HFM1: variants seen among roughly 807,000 people sequenced by gnomAD.
HFM1 encodes the protein probable ATP-dependent DNA helicase HFM1.
HFM1 carries 169 observed loss-of-function variants against 192.1 expected under a neutral mutation model. The ratio of observed to expected loss-of-function variants is 0.88; its 90% CI spans 0.78 to 1.00. The LOEUF is 1.00. Ranked by LOEUF, HFM1 falls within the 50% of genes least tolerant of loss-of-function variation. The pLI, the probability that HFM1 is intolerant of heterozygous loss-of-function variation, is 0.00. For synonymous variants in HFM1, 525 were observed against 537.8 expected (o/e 0.98, Z 0.33); for missense variants, 1,661 against 1,668.0 (o/e 1.00, Z 0.07).
At chr1:91,276,484 T>A (rs1434153887) in intron 32 of HFM1, 144 bp downstream of exon 32, 3 of 425,112 alleles carry the variant, frequency 7.1e-6, no homozygotes, top group Non-Finnish European at 1.3e-5. Context: ...GAAGGGAAGA[T>A]GGATTATGAA....
Position 91,316,140 on chromosome 1 carries a change from A to T in HFM1, c.2943T>A (p.Thr981=). 1 of 1,594,046 alleles carries T rather than the reference A, an allele frequency of 6.3e-7. No individual in the cohort carries two copies. The highest frequency in any genetic ancestry group is 1.1e-5 in the South Asian group (1 of 88,810). The change falls in exon 27 of 39, where the codon ACT becomes ACA. Residue 981 remains threonine (T), a synonymous_variant. Transcript: ENST00000370425. ...HPPFGTQIKE[T]VMYLPKYELK... Reference sequence around the variant, plus strand: ...GTTCATATTTTGGTAGATACATCACAGTTTCTTTTATCTGGGTTCCAAAGG... The same window carrying T: ...GTTCATATTTTGGTAGATACATCACTGTTTCTTTTATCTGGGTTCCAAAGG...
At chr1:91,266,936 CA>C (rs1391957283) in intron 35 of HFM1, among the ~76,000 whole-genome samples, 3 of 152,102 alleles carry the variant, frequency 2.0e-5, no homozygotes, top group African/African-American at 7.2e-5. Context: ...GCCCCCAAAA[CA>C]ATAACATTTC....
At chr1:91,280,060 G>A (rs1667324046) in intron 30 of HFM1, among the ~76,000 whole-genome samples, 1 of 152,122 alleles carries the variant, frequency 6.6e-6, no homozygotes. Context: ...ATATATTAAT[G>A]TATATATTAT....
In HFM1 at chr1:91,385,849, A is replaced by C. The variant is rs1376862883; in HGVS notation, c.495-15T>G. On this transcript the variant is annotated splice_polypyrimidine_tract_variant and intron_variant, in intron 4 of 38. Transcript: ENST00000370425. ...TTTTAAATAATCTGCAAACAAAAAA[A>C]AGACCCACATATTTTCTCACGTGTA... The C allele has an allele frequency of 3.8e-6, 6 of 1,581,412 alleles. No individual in the cohort carries two copies. Among genetic ancestry groups the C allele is most frequent in the Non-Finnish European group, 5.2e-6 (6 of 1,163,962 alleles).
intron 4 of HFM1, among the ~76,000 whole-genome samples, chr1:91,389,096 G>C (rs1178039279): frequency 6.8e-6 from 1 of 147,360 alleles, no homozygotes; most frequent in Non-Finnish European, 1.5e-5. Flanking sequence ...AGATTCATAT[G>C]TTGAGGCCCT....
chr1:91,385,546 T>C, intron 5 of HFM1, 29 bp downstream of exon 5: 1 of 1,583,452 alleles, frequency 6.3e-7, no homozygotes, highest in South Asian at 1.1e-5. Flanking sequence ...TCTGTACTCA[T>C]AAAATGAACT....
chr1:91,321,822 C>A (rs2101309605), intron 23 of HFM1, among the ~76,000 whole-genome samples: 1 of 152,176 alleles, frequency 6.6e-6, no homozygotes, highest in East Asian at 1.9e-4. Flanking sequence ...ATATACTACC[C>A]AATTTAAGGC....
intron 25 of HFM1, among the ~76,000 whole-genome samples, 178 bp downstream of exon 25, chr1:91,318,899 TG>T (rs1407759380): frequency 6.6e-6 from 1 of 152,216 alleles, no homozygotes; most frequent in Admixed American, 6.5e-5. Context: ...TGATTTCAAA[TG>T]GAATCCTTTA....
At chr1:91,392,961 A>G (rs771285179) in intron 4 of HFM1, among the ~76,000 whole-genome samples, 16 of 152,192 alleles carry the variant, frequency 1.1e-4, no homozygotes, top group Non-Finnish European at 1.8e-4. Flanking sequence ...TAAGGAATTT[A>G]TTTTGCAGGA....
At chr1:91,350,447 T>C (rs936144217) in intron 18 of HFM1, among the ~76,000 whole-genome samples, 6 of 152,178 alleles carry the variant, frequency 3.9e-5, no homozygotes, top group Non-Finnish European at 8.8e-5. Flanking sequence ...TGTAACTAAC[T>C]TATTTTCAAT....
rs370441836 is a variant in HFM1, at chr1:91,375,966, A to C, written c.1396-239T>G. ...CACCATGGTAAACTTCCAATTAATT[A>C]TTATTATTTTGTTTTATTTTCCTTC... On this transcript the variant is annotated intron_variant, in intron 11 of 38. Transcript: ENST00000370425. Among the ~76,000 whole-genome samples, 43 of 148,070 alleles carry C rather than the reference A, an allele frequency of 2.9e-4. 1 individual carries two copies. In the East Asian group the frequency reaches 6.1e-3, roughly 21 times the overall value.
At chr1:91,398,778 C>T (rs1291182623) in intron 2 of HFM1, among the ~76,000 whole-genome samples, 2 of 152,064 alleles carry the variant, frequency 1.3e-5, no homozygotes, top group African/African-American at 4.8e-5. Flanking sequence ...CCACAACCTC[C>T]ACCTCCTGGG....
chr1:91,267,915 A>G, intron 34 of HFM1, 60 bp from the exon 35 acceptor site: 1 of 902,628 alleles, frequency 1.1e-6, no homozygotes, highest in Non-Finnish European at 1.7e-6. Flanking sequence ...AGATATATTA[A>G]GATTTCTGTT....
At chr1:91,325,401 A>G (rs1652746940) in intron 20 of HFM1, among the ~76,000 whole-genome samples, 1 of 152,226 alleles carries the variant, frequency 6.6e-6, no homozygotes, top group South Asian at 2.1e-4. Context: ...GCACAGTCCC[A>G]GCCCACAGGA....
chr1:91,313,230 G>T, intron 30 of HFM1, 119 bp downstream of exon 30: 1 of 551,012 alleles, frequency 1.8e-6, no homozygotes. Flanking sequence ...TTACTATGAA[G>T]CTTAAATATC....
At position 91,261,114 on chromosome 1, in the gene HFM1, T is replaced by G. The variant is rs1665117958; in HGVS notation, c.*176A>C. 2.7e-6 allele frequency: 1 copy of G among 372,040 alleles called. No homozygotes were observed. Among genetic ancestry groups the G allele is most frequent in the Non-Finnish European group, 5.0e-6 (1 of 200,026 alleles). The allele number at this position is 372,040 out of a possible 1,614,324, so 23.0% of individuals were successfully genotyped here. ...AAAAGAGCTTTTCAAGAAGTTACAA[T>G]ATAATGGGAAAATAAATCGGCCCAT... On this transcript the variant is annotated 3_prime_UTR_variant, in exon 39 of 39. Coordinates refer to ENST00000370425, the MANE Select transcript of HFM1 (RefSeq NM_001017975.6).
chr1:91,332,259 A>G (rs1375091884), intron 20 of HFM1, among the ~76,000 whole-genome samples: 2 of 152,208 alleles, frequency 1.3e-5, no homozygotes, highest in Non-Finnish European at 2.9e-5. Context: ...AAACAGACAC[A>G]TCAATCAATG....
At chr1:91,263,258 A>G (rs1665337661) in intron 36 of HFM1, among the ~76,000 whole-genome samples, 1 of 152,204 alleles carries the variant, frequency 6.6e-6, no homozygotes, top group Admixed American at 6.5e-5. Context: ...GATGATCATC[A>G]ATGCATCTCT....
At chr1:91,365,883 T>G (rs1659232415) in intron 13 of HFM1, among the ~76,000 whole-genome samples, 1 of 150,860 alleles carries the variant, frequency 6.6e-6, no homozygotes, top group African/African-American at 2.4e-5. Context: ...TTGAAAGAAG[T>G]TAAGTAATAT....
Sources: allele counts gnomAD v4.1 joint callset (sites outside exome capture counted in the v4.1 genomes callset), GRCh38; gene constraint gnomAD v4.1.1; transcripts MANE v1.5; gene names NCBI Gene and HGNC (gene_info 2026-07-23, HGNC 2026-07-21).